Variants in C1orf174 observed in about 807,000 individuals in gnomAD.
C1orf174 encodes the protein UPF0688 protein C1orf174.
Under a neutral mutation model 18.4 loss-of-function variants are expected in C1orf174, and 13 were observed. The observed-to-expected ratio is 0.71, with a 90% CI of 0.46 to 1.12. The LOEUF (loss-of-function observed/expected upper bound fraction) is 1.12. Ranked by LOEUF, C1orf174 falls within the 50% of genes most tolerant of loss-of-function variation. The pLI is 0.00. For missense variants in C1orf174, 309 were observed against 308.0 expected, an observed-to-expected ratio of 1.00 and a Z score of -0.02; for synonymous variants, 100 against 118.3, an observed-to-expected ratio of 0.85 and a Z score of 1.01.
chr1:3,900,248 A>C lies in C1orf174; in HGVS notation c.-62T>G. On this transcript the variant is annotated 5_prime_UTR_variant, in exon 1 of 4. Coordinates refer to ENST00000361605, the MANE Select transcript of C1orf174 (RefSeq NM_207356.3). ...GCCAACGCGTCCCGGCGGAGCGGCG[A>C]CCCGGAGTCTGCAGAGCGCGCCGCG... 1 of 1,477,234 alleles carries C rather than the reference A, an allele frequency of 6.8e-7. No homozygotes were observed. Among genetic ancestry groups the C allele is most frequent in the African/African-American group, 1.5e-5 (1 of 66,330 alleles). The allele number at this position is 1,477,234 out of a possible 1,614,324, so 91.5% of individuals were successfully genotyped here.
intron 1 of C1orf174, among the ~76,000 whole-genome samples, chr1:3,898,014 AG>A (rs1384831971): frequency 6.6e-6 from 1 of 152,218 alleles, no homozygotes; most frequent in Non-Finnish European, 1.5e-5. Flanking sequence ...ACATGCAAAG[AG>A]ATCCACAGAC....
intron 3 of C1orf174, 54 bp from the exon 4 acceptor site, chr1:3,890,127 G>A (rs553935788): frequency 9.9e-6 from 14 of 1,420,274 alleles, no homozygotes; most frequent in African/African-American, 4.2e-5. Context: ...ATCTGCACCC[G>A]CATTTGCAAT....
intron 1 of C1orf174, 117 bp downstream of exon 1, chr1:3,900,055 G>C (rs1055241894): frequency 1.5e-6 from 2 of 1,303,622 alleles, no homozygotes; most frequent in Non-Finnish European, 1.0e-6. Context: ...CGAGGCCCAA[G>C]CGGAGGCCGC....
intron 1 of C1orf174, among the ~76,000 whole-genome samples, chr1:3,894,384 GATCACAAGGTCAGGAGA>G (rs1638567509): frequency 6.6e-6 from 1 of 152,080 alleles, no homozygotes; most frequent in Non-Finnish European, 1.5e-5. Context: ...GAGGCAGGTG[GATCACAAGGTCAGGAGA>G]TCGAGACCAT....
chr1:3,890,534 G>C, intron 3 of C1orf174, 35 bp downstream of exon 3: 1 of 1,607,668 alleles, frequency 6.2e-7, no homozygotes, highest in African/African-American at 1.3e-5. Flanking sequence ...GCTGCTGCCT[G>C]AGTACCCACG....
Position 3,890,925 on chromosome 1 carries a change from G to C in C1orf174, c.262C>G (p.Pro88Ala). ...NDSASLPKVTPETPCENEFAE... is the reference protein window; with the variant it reads ...NDSASLPKVTAETPCENEFAE... ...AACTCATTTTCACAAGGGGTCTCAG[G>C]TGTCACTTTTGGCAAAGAAGCGCTG... Residue 88 changes from proline to alanine, a missense_variant, in exon 3 of 4, where the codon CCT (proline) becomes GCT (alanine). Coordinates refer to ENST00000361605, the MANE Select transcript of C1orf174 (RefSeq NM_207356.3). 1 of 1,614,082 alleles carries C rather than the reference G, an allele frequency of 6.2e-7. No homozygotes were observed. The highest frequency in any genetic ancestry group is 2.2e-5 in the East Asian group (1 of 44,868).
chr1:3,891,547 AAAGC>A, intron 2 of C1orf174: 1 of 981,164 alleles, frequency 1.0e-6, no homozygotes, highest in East Asian at 1.1e-4. Context: ...CATCATGAGC[AAAGC>A]TCTGTGCTAC....
intron 1 of C1orf174, among the ~76,000 whole-genome samples, chr1:3,899,458 G>A (rs1249760733): frequency 6.6e-6 from 1 of 152,122 alleles, no homozygotes; most frequent in Non-Finnish European, 1.5e-5. Context: ...CGCCTTAACT[G>A]TTACACCCAC....
intron 1 of C1orf174, among the ~76,000 whole-genome samples, chr1:3,893,512 C>G (rs1638550856): frequency 6.6e-6 from 1 of 152,150 alleles, no homozygotes; most frequent in Non-Finnish European, 1.5e-5. Flanking sequence ...AAAGCAAACT[C>G]CTCTAATAAC....
intron 1 of C1orf174, among the ~76,000 whole-genome samples, chr1:3,899,711 G>C (rs1221837049): frequency 1.3e-5 from 2 of 152,212 alleles, no homozygotes; most frequent in Admixed American, 6.5e-5. Flanking sequence ...TCCTAGGAAA[G>C]TGGCCCGAAA....
chr1:3,895,588 T>A (rs1638592440), intron 1 of C1orf174: 1 of 148,010 alleles, frequency 6.8e-6, no homozygotes, highest in Non-Finnish European at 1.5e-5. Flanking sequence ...AACAGACACC[T>A]GAGCAGGCCA....
intron 1 of C1orf174, among the ~76,000 whole-genome samples, chr1:3,893,948 T>G (rs1223165273): frequency 6.6e-6 from 1 of 152,196 alleles, no homozygotes; most frequent in South Asian, 2.1e-4. Flanking sequence ...TAGCCTTCAC[T>G]CAGCTTCCAC....
At chr1:3,899,223 T>TA (rs1428486485) in intron 1 of C1orf174, among the ~76,000 whole-genome samples, 1 of 152,212 alleles carries the variant, frequency 6.6e-6, no homozygotes, top group African/African-American at 2.4e-5. Flanking sequence ...GTGCATGGGC[T>TA]AAACAATTCA....
At position 3,893,005 on chromosome 1, in the gene C1orf174, A is replaced by AT. The variant is rs1570965216; in HGVS notation, c.16-10dup. 3 of 1,613,272 alleles carry AT rather than the reference A, an allele frequency of 1.9e-6. No individual in the cohort carries two copies. The highest frequency in any genetic ancestry group is 2.5e-6 in the Non-Finnish European group (3 of 1,179,622). ...CGCACTGCACCTGTGAGCTAGAGAG[A>AT]TTGAGAGCCACTCAGAGAGTGCTCT... On this transcript the variant is annotated splice_polypyrimidine_tract_variant and intron_variant, in intron 1 of 3. Transcript: ENST00000361605.
chr1:3,890,419 G>A (rs903501023), intron 3 of C1orf174, 150 bp downstream of exon 3: 13 of 1,133,386 alleles, frequency 1.1e-5, no homozygotes, highest in Non-Finnish European at 1.6e-5. Flanking sequence ...ATTAGCCAAC[G>A]GTTTCATTTT....
At chr1:3,897,671 C>CT (rs989148464) in intron 1 of C1orf174, among the ~76,000 whole-genome samples, 99 of 149,682 alleles carry the variant, frequency 6.6e-4, no homozygotes, top group African/African-American at 1.9e-3. Flanking sequence ...ATCCAGGAAT[C>CT]TTTTTTTTTT....
At chr1:3,897,066 G>C (rs956496338) in intron 1 of C1orf174, among the ~76,000 whole-genome samples, 3 of 152,170 alleles carry the variant, frequency 2.0e-5, no homozygotes, top group South Asian at 4.1e-4. Flanking sequence ...ACAGTACCCA[G>C]AATTGCTAAA....
rs372871626 is a variant in C1orf174 at position 3,892,868 on chromosome 1, G to A, written c.129+15C>T. 3.2e-5 allele frequency: 52 copies of A among 1,613,188 alleles called. No homozygotes were observed. Among genetic ancestry groups the A allele is most frequent in the African/African-American group, 6.7e-5 (5 of 75,026 alleles). On this transcript the variant is annotated intron_variant, in intron 2 of 3. Transcript: ENST00000361605. Reference sequence around the variant, plus strand: ...GAGTCAGGATCTTGGCGTTCTCCACGGTAACAGGGCTCACCAGACATGCTG... The same window carrying A: ...GAGTCAGGATCTTGGCGTTCTCCACAGTAACAGGGCTCACCAGACATGCTG...
chr1:3,892,859 G>A (rs11807227), intron 2 of C1orf174, 24 bp downstream of exon 2: 224,120 of 1,610,694 alleles, frequency 0.14, 16,528 homozygotes, highest in East Asian at 0.26. Flanking sequence ...GGATCTTGGC[G>A]TTCTCCACGG....
Sources: allele counts gnomAD v4.1 joint callset (sites outside exome capture counted in the v4.1 genomes callset), GRCh38; gene constraint gnomAD v4.1.1; transcripts MANE v1.5; gene names NCBI Gene and HGNC (gene_info 2026-07-23, HGNC 2026-07-21).